Variants in EHBP1 observed in about 807,000 individuals in gnomAD.
EHBP1 encodes the protein EH domain-binding protein 1.
In EHBP1, 55 loss-of-function variants were observed where a neutral mutation model predicts 144.0. The ratio of observed to expected loss-of-function variants is 0.38; its 90% CI spans 0.31 to 0.48. The LOEUF is 0.48. EHBP1 is among the 20% of genes least tolerant of loss of function. EHBP1 has a pLI of 0.98. For missense variants in EHBP1, 1,200 were observed against 1,364.2 expected (o/e 0.88, Z 1.90); for synonymous variants, 469 against 472.7 (o/e 0.99, Z 0.10).
At chr2:62,783,228 C>T (rs1031277820) in intron 5 of EHBP1, among the ~76,000 whole-genome samples, 1 of 152,210 alleles carries the variant, frequency 6.6e-6, no homozygotes, top group Non-Finnish European at 1.5e-5. Flanking sequence ...CAGGGTACAG[C>T]CCCCCTCCTG....
intron 10 of EHBP1, among the ~76,000 whole-genome samples, chr2:62,917,778 C>T (rs969101766): frequency 1.3e-5 from 2 of 152,154 alleles, no homozygotes; most frequent in Non-Finnish European, 2.9e-5. Flanking sequence ...CAGACTTTTT[C>T]ATTCTTGGAC....
chr2:62,962,240 C>T (rs1211728147), intron 14 of EHBP1, among the ~76,000 whole-genome samples: 1 of 152,122 alleles, frequency 6.6e-6, no homozygotes, highest in Non-Finnish European at 1.5e-5. Flanking sequence ...GCACAGGAAT[C>T]GCTTGAACCC....
intron 5 of EHBP1, among the ~76,000 whole-genome samples, chr2:62,792,526 CAAT>C (rs754031741): frequency 2.0e-5 from 3 of 152,014 alleles, no homozygotes; most frequent in African/African-American, 4.8e-5. Context: ...AGTAGATCCT[CAAT>C]GATGTTTGAT....
At chr2:63,028,179 C>G (rs1430440314) in intron 19 of EHBP1, among the ~76,000 whole-genome samples, 1 of 152,114 alleles carries the variant, frequency 6.6e-6, no homozygotes, top group Non-Finnish European at 1.5e-5. Context: ...TTTAGACATT[C>G]CACAATGTTT....
chr2:62,848,104 A>G (rs1460973194), intron 7 of EHBP1, among the ~76,000 whole-genome samples: 1 of 142,558 alleles, frequency 7.0e-6, no homozygotes, highest in East Asian at 2.0e-4. Context: ...TTCTTGAGAC[A>G]GTCTCACTCT....
At chr2:63,038,878 A>G (rs995986850) in intron 21 of EHBP1, 62 bp downstream of exon 21, 4 of 1,470,574 alleles carry the variant, frequency 2.7e-6, no homozygotes, top group Admixed American at 1.7e-5. Context: ...GATTTAAAGA[A>G]TATAATACAC....
Position 62,993,563 on chromosome 2 carries a change from C to T in EHBP1, c.2767C>T (p.Gln923Ter). 6.3e-7 allele frequency: 1 copy of T among 1,599,798 alleles called. No individual in the cohort carries two copies. The highest frequency in any genetic ancestry group is 8.5e-7 in the Non-Finnish European group (1 of 1,171,006). Residue 923 changes from glutamine (Q) to a stop codon, truncating the protein, a stop_gained, in exon 17 of 23, where the codon CAA becomes TAA. Transcript: ENST00000431489. LOFTEE classifies it high-confidence loss of function. ...AGAAGATCTCCGGACTGAACGATTA[C>T]AAAAAACAACAGAACGTTTTAGAAA... ...GTEDLRTERL[Q>*]KTTERFRNPV...
At chr2:62,891,923 A>G (rs1238729026) in intron 10 of EHBP1, among the ~76,000 whole-genome samples, 2 of 152,208 alleles carry the variant, frequency 1.3e-5, no homozygotes, top group Admixed American at 1.3e-4. Context: ...AATTGAAAAT[A>G]CATTGTGACT....
At chr2:62,947,867 G>T (rs1017908455) in intron 12 of EHBP1, among the ~76,000 whole-genome samples, 1 of 152,038 alleles carries the variant, frequency 6.6e-6, no homozygotes, top group South Asian at 2.1e-4. Context: ...GACTTATCTA[G>T]CTGTGCTTTT....
At chr2:62,720,884 G>C (rs1239017107) in intron 2 of EHBP1, among the ~76,000 whole-genome samples, 1 of 152,142 alleles carries the variant, frequency 6.6e-6, no homozygotes, top group African/African-American at 2.4e-5. Flanking sequence ...TTGTGATTTT[G>C]TGTTGGGCCG....
intron 10 of EHBP1, among the ~76,000 whole-genome samples, chr2:62,937,428 G>A (rs1441583668): frequency 6.6e-6 from 1 of 152,130 alleles, no homozygotes; most frequent in African/African-American, 2.4e-5. Context: ...GGGCATAATA[G>A]GTGCTCAGTA....
chr2:62,990,794 G>A lies in EHBP1; in HGVS notation c.2687G>A (p.Ser896Asn), dbSNP rs1449640150. ...VQPQVANSPSSAAQKAVTESS... is the reference protein window; with the variant it reads ...VQPQVANSPSNAAQKAVTESS... ...CCACAGGTGGCAAATTCACCCTCCA[G>A]TGCTGCCCAGAAAGCTGTAACTGAG... The change falls in exon 16 of 23, where the codon AGT becomes AAT. Residue 896 changes from serine (S) to asparagine (N), a missense_variant. Physicochemically the swap from Ser to Asn is conservative, Grantham distance 46 (BLOSUM62 1). Transcript: ENST00000431489. 4 of 1,613,772 alleles carry A rather than the reference G, an allele frequency of 2.5e-6. No homozygotes were observed. Among genetic ancestry groups the A allele is most frequent in the Non-Finnish European group, 3.4e-6 (4 of 1,179,856 alleles).
intron 19 of EHBP1, among the ~76,000 whole-genome samples, chr2:63,027,076 G>C (rs2061013087): frequency 6.6e-6 from 1 of 152,152 alleles, no homozygotes; most frequent in Non-Finnish European, 1.5e-5. Context: ...GTGTCAAATG[G>C]GTGGCTAAGA....
intron 5 of EHBP1, among the ~76,000 whole-genome samples, chr2:62,791,086 T>A (rs986613254): frequency 1.3e-5 from 2 of 152,042 alleles, no homozygotes; most frequent in Non-Finnish European, 2.9e-5. Context: ...GAAACTAAGA[T>A]ATCATCTGGT....
intron 15 of EHBP1, among the ~76,000 whole-genome samples, chr2:62,980,226 T>G (rs559711820): frequency 9.9e-5 from 15 of 152,264 alleles, no homozygotes; most frequent in African/African-American, 3.6e-4. Flanking sequence ...ACAAAACTGT[T>G]TCACCTCAGA....
chr2:63,011,379 T>TCC (rs2060261963), intron 19 of EHBP1, among the ~76,000 whole-genome samples: 1 of 151,900 alleles, frequency 6.6e-6, no homozygotes, highest in Non-Finnish European at 1.5e-5. Flanking sequence ...AAAAGCAATG[T>TCC]TAGTGTGTGT....
chr2:62,773,314 A>G (rs1029204394), intron 5 of EHBP1, among the ~76,000 whole-genome samples: 3 of 152,058 alleles, frequency 2.0e-5, no homozygotes, highest in Non-Finnish European at 4.4e-5. Flanking sequence ...TTCTCTGTCT[A>G]GGTGTATTAA....
intron 2 of EHBP1, among the ~76,000 whole-genome samples, chr2:62,727,236 TC>T (rs888116177): frequency 6.6e-6 from 1 of 152,110 alleles, no homozygotes; most frequent in African/African-American, 2.4e-5. Flanking sequence ...TCCACCTTGT[TC>T]CACCCAACTC....
intron 5 of EHBP1, among the ~76,000 whole-genome samples, chr2:62,812,602 G>A (rs1402448446): frequency 6.6e-6 from 1 of 152,106 alleles, no homozygotes; most frequent in African/African-American, 2.4e-5. Flanking sequence ...AAATGAGGAA[G>A]AAGGTATTGG....
Sources: gnomAD v4.1 joint callset for allele counts (sites outside exome capture counted in the v4.1 genomes callset) on GRCh38, gnomAD v4.1.1 for gene constraint, MANE v1.5 for transcripts, NCBI Gene and HGNC (gene_info 2026-07-23, HGNC 2026-07-21) for gene names.